TEAD1: variants seen among roughly 807,000 people sequenced by gnomAD.
TEAD1 encodes the protein transcriptional enhancer factor TEF-1.
In TEAD1, 9 loss-of-function variants were observed where a neutral mutation model predicts 54.9. The ratio of observed to expected loss-of-function variants is 0.16; its 90% CI spans 0.10 to 0.29. TEAD1 has a LOEUF of 0.29. Among genes scored for constraint, TEAD1 ranks in the 10% least tolerant of loss-of-function variants. The pLI is 1.00. For synonymous variants in TEAD1, 200 were observed against 187.8 expected, an observed-to-expected ratio of 1.07 and a Z score of -0.53; for missense variants, 387 against 535.9, an observed-to-expected ratio of 0.72 and a Z score of 2.74.
chr11:12,869,007 G>A (rs1267125818), intron 5 of TEAD1, among the ~76,000 whole-genome samples: 2 of 152,164 alleles, frequency 1.3e-5, no homozygotes, highest in African/African-American at 2.4e-5. Flanking sequence ...CATAGTTGAA[G>A]GCAGAGAATT....
At chr11:12,784,655 G>A (rs1005426545) in intron 3 of TEAD1, among the ~76,000 whole-genome samples, 1 of 152,322 alleles carries the variant, frequency 6.6e-6, no homozygotes, top group East Asian at 1.9e-4. Context: ...GGAAGCAGAT[G>A]ATTTTCTTGC....
At chr11:12,876,045 G>A (rs1194603394) in intron 5 of TEAD1, among the ~76,000 whole-genome samples, 1 of 152,138 alleles carries the variant, frequency 6.6e-6, no homozygotes, top group Non-Finnish European at 1.5e-5. Flanking sequence ...ACCCCAGTGG[G>A]TACACCTTTT....
intron 4 of TEAD1, among the ~76,000 whole-genome samples, chr11:12,863,587 T>C (rs1208858625): frequency 6.6e-6 from 1 of 152,308 alleles, no homozygotes. Flanking sequence ...TTAGAGCCGC[T>C]GGAGAGTTGG....
At chr11:12,743,183 C>T (rs1346791561) in intron 2 of TEAD1, among the ~76,000 whole-genome samples, 4 of 152,144 alleles carry the variant, frequency 2.6e-5, no homozygotes, top group East Asian at 3.8e-4. Context: ...TGTTCCCCTC[C>T]GCAGAAAAGG....
chr11:12,769,541 A>G (rs1480671307), intron 3 of TEAD1, among the ~76,000 whole-genome samples: 1 of 152,050 alleles, frequency 6.6e-6, no homozygotes, highest in East Asian at 1.9e-4. Flanking sequence ...ATAAGATAGT[A>G]TGTTCTCATA....
At chr11:12,740,612 T>C (rs1436142732) in intron 2 of TEAD1, among the ~76,000 whole-genome samples, 1 of 152,138 alleles carries the variant, frequency 6.6e-6, no homozygotes, top group Admixed American at 6.6e-5. Context: ...ACATCTTACA[T>C]GGCGGCAGGA....
intron 3 of TEAD1, among the ~76,000 whole-genome samples, chr11:12,813,097 G>C (rs1185799339): frequency 6.6e-6 from 1 of 152,134 alleles, no homozygotes; most frequent in Non-Finnish European, 1.5e-5. Flanking sequence ...AGACAGTCCA[G>C]CCGGCTTGGA....
intron 2 of TEAD1, among the ~76,000 whole-genome samples, chr11:12,692,545 A>G (rs918096538): frequency 6.6e-6 from 1 of 152,086 alleles, no homozygotes; most frequent in Non-Finnish European, 1.5e-5. Flanking sequence ...GCTTAATGTA[A>G]TGGTTCCTCT....
intron 10 of TEAD1, among the ~76,000 whole-genome samples, chr11:12,916,020 T>A (rs990461293): frequency 3.9e-5 from 6 of 152,186 alleles, no homozygotes; most frequent in African/African-American, 1.4e-4. Flanking sequence ...ATTTTTGTTT[T>A]CTGTTGCTGT....
At position 12,838,561 on chromosome 11, in the gene TEAD1, C is replaced by G. The variant is rs185320163; in HGVS notation, c.203-23689C>G. On this transcript the variant is annotated intron_variant, in intron 3 of 12. Coordinates refer to ENST00000527636, the MANE Select transcript of TEAD1 (RefSeq NM_021961.6). ...GGATTACTTTGAAGATAAATTTTAA[C>G]ATTTTAAGTAAAACGTTCATGTAAA... 2.5e-3 allele frequency among the ~76,000 whole-genome samples: 388 copies of G among 152,272 alleles called. 3 individuals are homozygous for G. Among genetic ancestry groups the G allele is most frequent in the Non-Finnish European group, 4.2e-3 (289 of 68,032 alleles).
chr11:12,765,065 G>A (rs1195296610), intron 3 of TEAD1, among the ~76,000 whole-genome samples: 1 of 151,962 alleles, frequency 6.6e-6, no homozygotes, highest in Non-Finnish European at 1.5e-5. Context: ...AGCACCCTGG[G>A]TCACTGTCAC....
intron 2 of TEAD1, among the ~76,000 whole-genome samples, chr11:12,731,850 G>T (rs1025875195): frequency 1.3e-5 from 2 of 152,122 alleles, no homozygotes; most frequent in Non-Finnish European, 2.9e-5. Flanking sequence ...ATGGCTTTGT[G>T]CCCGTTTGCT....
intron 3 of TEAD1, among the ~76,000 whole-genome samples, chr11:12,766,081 A>G (rs1051786516): frequency 1.3e-5 from 2 of 152,206 alleles, no homozygotes; most frequent in Non-Finnish European, 2.9e-5. Flanking sequence ...TTGCTTACCC[A>G]AAAATGGTTT....
At chr11:12,899,461 T>C (rs1948381875) in intron 9 of TEAD1, among the ~76,000 whole-genome samples, 1 of 152,100 alleles carries the variant, frequency 6.6e-6, no homozygotes, top group South Asian at 2.1e-4. Flanking sequence ...TGTGACTGTG[T>C]CTCATACATT....
intron 2 of TEAD1, among the ~76,000 whole-genome samples, chr11:12,763,763 T>A (rs1170532971): frequency 3.9e-5 from 6 of 152,228 alleles, no homozygotes; most frequent in Non-Finnish European, 5.9e-5. Flanking sequence ...AAAGTGCCCC[T>A]GGTAGATAGT....
At chr11:12,724,785 G>A (rs559946414) in intron 2 of TEAD1, among the ~76,000 whole-genome samples, 6 of 152,196 alleles carry the variant, frequency 3.9e-5, no homozygotes, top group African/African-American at 1.2e-4. Context: ...TCTCCTCCTC[G>A]CCCCTCCTTT....
intron 2 of TEAD1, among the ~76,000 whole-genome samples, chr11:12,719,516 C>G (rs1203845061): frequency 6.8e-6 from 1 of 146,840 alleles, no homozygotes; most frequent in Non-Finnish European, 1.5e-5. Flanking sequence ...TTGCTTAACT[C>G]CAGATGACTT....
At chr11:12,727,831 G>A (rs1339495761) in intron 2 of TEAD1, among the ~76,000 whole-genome samples, 2 of 151,880 alleles carry the variant, frequency 1.3e-5, no homozygotes, top group African/African-American at 4.8e-5. Context: ...TTGTATCCAG[G>A]CTTTCATAGT....
intron 3 of TEAD1, among the ~76,000 whole-genome samples, chr11:12,799,001 G>C (rs1017957064): frequency 6.6e-6 from 1 of 152,216 alleles, no homozygotes; most frequent in African/African-American, 2.4e-5. Context: ...AGAATAAAAA[G>C]ATTAGAACAC....
Sources: allele counts gnomAD v4.1 joint callset (sites outside exome capture counted in the v4.1 genomes callset), GRCh38; gene constraint gnomAD v4.1.1; transcripts MANE v1.5; gene names NCBI Gene and HGNC (gene_info 2026-07-23, HGNC 2026-07-21).